The following TRPM3 variants were observed in gnomAD, a reference collection of about 807,000 sequenced individuals.
TRPM3 encodes transient receptor potential cation channel subfamily M member 3, also known as long transient receptor potential channel 3.
A neutral mutation model predicts 181.2 loss-of-function variants in TRPM3; 77 were observed. That is an observed-to-expected ratio of 0.42 (90% CI 0.35 to 0.51). The LOEUF is 0.51. TRPM3 is among the 20% of genes least tolerant of loss of function. The probability of loss-of-function intolerance (pLI) is 0.01; values close to 1 mark genes in which losing one functional copy is unlikely to be tolerated. For synonymous variants in TRPM3, 745 were observed against 796.4 expected (o/e 0.94, Z 1.09); for missense variants, 1,759 against 2,196.7 (o/e 0.80, Z 3.98).
At chr9:71,229,527 C>T (rs2080910057) in intron 1 of TRPM3, among the ~76,000 whole-genome samples, 1 of 152,114 alleles carries the variant, frequency 6.6e-6, no homozygotes, top group Non-Finnish European at 1.5e-5. Flanking sequence ...AGAGATAACC[C>T]ACAGAATGTG....
At chr9:71,161,860 T>G (rs954002021) in intron 1 of TRPM3, among the ~76,000 whole-genome samples, 1 of 152,164 alleles carries the variant, frequency 6.6e-6, no homozygotes, top group Non-Finnish European at 1.5e-5. Flanking sequence ...ATATTCATAT[T>G]ACTGAGTTAC....
chr9:71,233,749 A>T (rs2081205435), intron 1 of TRPM3, among the ~76,000 whole-genome samples: 2 of 152,190 alleles, frequency 1.3e-5, no homozygotes, highest in Admixed American at 1.3e-4. Context: ...AAGAAGCCAA[A>T]TTTTCAAAGC....
chr9:70,561,440 T>G lies in TRPM3; in HGVS notation c.3224-8130A>C, dbSNP rs544276339. Among the ~76,000 whole-genome samples the G allele has an allele frequency of 9.2e-5, 14 of 152,292 alleles. 1 individual carries two copies. The South Asian group carries it at 1.2e-3, about 14-fold the overall frequency. On this transcript the variant is annotated intron_variant, in intron 22 of 25. Coordinates refer to ENST00000677713, the MANE Select transcript of TRPM3 (RefSeq NM_001366145.2). ...GTTTCCTTATCTGAGGCTCTTTGATTGTGGTGGGTCCAGGTGGAGGTTTTC... is the reference window on the plus strand; with the variant it reads ...GTTTCCTTATCTGAGGCTCTTTGATGGTGGTGGGTCCAGGTGGAGGTTTTC...
intron 8 of TRPM3, among the ~76,000 whole-genome samples, chr9:70,683,262 C>G (rs192940927): frequency 2.2e-4 from 34 of 152,098 alleles, no homozygotes; most frequent in Admixed American, 2.1e-3. Flanking sequence ...TTCTGTCACT[C>G]AGGCTGGAGT....
intron 1 of TRPM3, among the ~76,000 whole-genome samples, chr9:71,132,428 G>C (rs1489508260): frequency 6.6e-6 from 1 of 152,322 alleles, no homozygotes; most frequent in East Asian, 1.9e-4. Context: ...AAAGACAAAA[G>C]TGACAGAAAG....
chr9:71,272,697 A>G (rs2132136743), intron 1 of TRPM3, among the ~76,000 whole-genome samples: 1 of 152,130 alleles, frequency 6.6e-6, no homozygotes, highest in South Asian at 2.1e-4. Context: ...TATAATTTAT[A>G]TATTCTCATA....
intron 7 of TRPM3, among the ~76,000 whole-genome samples, chr9:70,772,407 T>C (rs1005811995): frequency 1.3e-5 from 2 of 151,492 alleles, no homozygotes; most frequent in Non-Finnish European, 2.9e-5. Flanking sequence ...AGCATCAACC[T>C]CCTGGGCTCA....
intron 1 of TRPM3, among the ~76,000 whole-genome samples, chr9:71,147,416 A>AAC (rs1339639115): frequency 4.2e-5 from 3 of 71,330 alleles, no homozygotes; most frequent in South Asian, 6.4e-4. Flanking sequence ...TCTTGCCTGC[A>AAC]ACACACAGAC....
intron 1 of TRPM3, among the ~76,000 whole-genome samples, chr9:71,061,470 T>C (rs2061329010): frequency 6.6e-6 from 1 of 152,034 alleles, no homozygotes; most frequent in Non-Finnish European, 1.5e-5. Flanking sequence ...TATTGGGAAG[T>C]TTCCCACCAT....
chr9:70,995,708 C>T lies in TRPM3; in HGVS notation c.177+125470G>A, dbSNP rs533488206. On this transcript the variant is annotated intron_variant, in intron 1 of 25. Coordinates refer to ENST00000677713, the MANE Select transcript of TRPM3 (RefSeq NM_001366145.2). ...CAGAGGTTCCTAGCATCTTTCCAGA[C>T]GTATGGGCAAGATGACACATAAACT... Among the ~76,000 whole-genome samples, 42 of 152,196 alleles carry T rather than the reference C, an allele frequency of 2.8e-4. No individual in the cohort carries two copies. The South Asian group carries it at 7.7e-3, about 28-fold the overall frequency.
At chr9:70,744,342 G>A (rs1353803888) in intron 8 of TRPM3, among the ~76,000 whole-genome samples, 1 of 134,958 alleles carries the variant, frequency 7.4e-6, no homozygotes, top group Non-Finnish European at 1.6e-5. Flanking sequence ...AAAAAAAAAA[G>A]TAAAAAGAAA....
At chr9:70,660,302 G>T (rs1183558818) in intron 9 of TRPM3, among the ~76,000 whole-genome samples, 2 of 152,082 alleles carry the variant, frequency 1.3e-5, no homozygotes, top group East Asian at 3.8e-4. Flanking sequence ...TGCTTACTGA[G>T]ATAAATGCAT....
rs906754697 is a variant in TRPM3, at chr9:70,914,723, C to T, written c.178-50212G>A. Among the ~76,000 whole-genome samples, 7 of 152,302 alleles carry T rather than the reference C, an allele frequency of 4.6e-5. 1 individual carries two copies. In the South Asian group the frequency reaches 1.5e-3, roughly 32 times the overall value. ...GGTCACAGGAGTGCTTGTGTCACTT[C>T]ACCCTCAGCTCTAGGTGACTCAGAA... On this transcript the variant is annotated intron_variant, in intron 1 of 25. Coordinates refer to ENST00000677713, the MANE Select transcript of TRPM3 (RefSeq NM_001366145.2).
chr9:71,117,675 C>T (rs2072714621), intron 1 of TRPM3, among the ~76,000 whole-genome samples: 1 of 152,108 alleles, frequency 6.6e-6, no homozygotes, highest in African/African-American at 2.4e-5. Flanking sequence ...CTGACTTTTC[C>T]AGAATATAAT....
intron 1 of TRPM3, among the ~76,000 whole-genome samples, chr9:71,057,110 G>T (rs78547019): frequency 1.3e-5 from 2 of 151,988 alleles, no homozygotes; most frequent in Non-Finnish European, 2.9e-5. Flanking sequence ...CATGCCATCT[G>T]CTCATGACCC....
At chr9:71,191,857 C>A (rs2078046242) in intron 1 of TRPM3, among the ~76,000 whole-genome samples, 1 of 150,892 alleles carries the variant, frequency 6.6e-6, no homozygotes, top group South Asian at 2.1e-4. Context: ...CCACTGGTAG[C>A]CTCTGCTTCA....
chr9:71,003,145 T>C (rs548357179), intron 1 of TRPM3, among the ~76,000 whole-genome samples: 5 of 149,864 alleles, frequency 3.3e-5, no homozygotes, highest in Admixed American at 2.0e-4. Flanking sequence ...TGATTGTTGC[T>C]CCAAGACTAG....
chr9:70,910,216 A>G (rs1392057451), intron 1 of TRPM3, among the ~76,000 whole-genome samples: 1 of 152,230 alleles, frequency 6.6e-6, no homozygotes, highest in Non-Finnish European at 1.5e-5. Context: ...GTAGCAGTGA[A>G]CAAGAGCAAA....
chr9:71,111,387 G>C lies in TRPM3; in HGVS notation c.177+9791C>G, dbSNP rs536937395. ...CAAGGGGAAATGTTTAAACAGTGTT[G>C]CCAACTGGGGGTGATTTTTCCCCTC... is the stretch of plus-strand genomic sequence containing the variant. On this transcript the variant is annotated intron_variant, in intron 1 of 25. Transcript: ENST00000677713. Among the ~76,000 whole-genome samples the C allele has an allele frequency of 3.3e-5, 5 of 152,284 alleles. No individual in the cohort carries two copies. The South Asian group carries it at 1.0e-3, about 32-fold the overall frequency.
Sources: gnomAD v4.1 joint callset for allele counts (sites outside exome capture counted in the v4.1 genomes callset) on GRCh38, gnomAD v4.1.1 for gene constraint, MANE v1.5 for transcripts, NCBI Gene and HGNC (gene_info 2026-07-23, HGNC 2026-07-21) for gene names.